The following OR56A3 variants were observed in gnomAD, a reference collection of about 807,000 sequenced individuals.
OR56A3 encodes the protein olfactory receptor 56A3.
OR56A3 carries 23 observed loss-of-function variants against 17.5 expected under a neutral mutation model. That is an observed-to-expected ratio of 1.32 (90% CI 0.95 to 1.87). The LOEUF (loss-of-function observed/expected upper bound fraction) is 1.87. Among genes scored for constraint, OR56A3 ranks in the 40% most tolerant of loss-of-function variants. The pLI is 0.00. For synonymous variants in OR56A3, 175 were observed against 150.6 expected (o/e 1.16, Z -1.19); for missense variants, 366 against 380.1 (o/e 0.96, Z 0.31).
At chr11:5,978,625 T>C in the OR56A3 span, among the ~76,000 whole-genome samples, 1 of 152,016 alleles carries the variant, frequency 6.6e-6, no homozygotes, top group Non-Finnish European at 1.5e-5. Flanking sequence ...GCAGAGAGTA[T>C]GGGGTTTTCT....
chr11:5,955,638 C>T (rs1328440784), downstream of OR56A3, among the ~76,000 whole-genome samples: 1 of 152,202 alleles, frequency 6.6e-6, no homozygotes, highest in African/African-American at 2.4e-5. Context: ...TGGGGGGTTA[C>T]ATTCCTTCTC....
At chr11:6,017,724 A>G in the OR56A3 span, among the ~76,000 whole-genome samples, 1 of 152,210 alleles carries the variant, frequency 6.6e-6, no homozygotes. Flanking sequence ...TGTCAGTAAT[A>G]ACTTTTAATG....
At chr11:6,011,391 T>G in the OR56A3 span, among the ~76,000 whole-genome samples, 102,407 of 151,122 alleles carry the variant, frequency 0.68, 34,974 homozygotes, top group East Asian at 0.93. Context: ...AACAATAAAT[T>G]TTTGCATTTT....
At chr11:6,004,017 A>G in the OR56A3 span, among the ~76,000 whole-genome samples, 4 of 152,184 alleles carry the variant, frequency 2.6e-5, no homozygotes, top group Non-Finnish European at 5.9e-5. Flanking sequence ...GAAAGAGGCC[A>G]AATACTAAGA....
At chr11:5,984,969 T>C in the OR56A3 span, among the ~76,000 whole-genome samples, 1 of 152,194 alleles carries the variant, frequency 6.6e-6, no homozygotes, top group Admixed American at 6.5e-5. Context: ...GGTTGCAATA[T>C]ATCAATTGTA....
At chr11:6,007,980 G>C in the OR56A3 span, among the ~76,000 whole-genome samples, 1 of 152,154 alleles carries the variant, frequency 6.6e-6, no homozygotes, top group African/African-American at 2.4e-5. Context: ...TGTTTCGTAA[G>C]TGTGGTTTCG....
At chr11:5,946,670 T>G (rs989258752) in intron 2 of OR56A3, among the ~76,000 whole-genome samples, 23 of 152,186 alleles carry the variant, frequency 1.5e-4, no homozygotes, top group Admixed American at 1.5e-3. Context: ...CCTAAAAATA[T>G]GAACATCTAA....
the OR56A3 span, among the ~76,000 whole-genome samples, chr11:6,010,554 A>G: frequency 2.0e-5 from 3 of 152,238 alleles, no homozygotes; most frequent in African/African-American, 7.2e-5. Flanking sequence ...TCTTAAAAGC[A>G]GAGACCAGGC....
At chr11:5,956,300 A>G (rs1847931697), downstream of OR56A3, among the ~76,000 whole-genome samples, 1 of 152,244 alleles carries the variant, frequency 6.6e-6, no homozygotes, top group Non-Finnish European at 1.5e-5. Flanking sequence ...CACATTAAAA[A>G]TCAATCAGAT....
the OR56A3 span, among the ~76,000 whole-genome samples, chr11:5,997,789 C>T: frequency 5.9e-5 from 9 of 152,152 alleles, no homozygotes; most frequent in South Asian, 6.2e-4. Flanking sequence ...ATCCATAAAC[C>T]GGGGTCATTT....
At chr11:5,998,724 T>C in the OR56A3 span, among the ~76,000 whole-genome samples, 1 of 152,188 alleles carries the variant, frequency 6.6e-6, no homozygotes, top group Non-Finnish European at 1.5e-5. Flanking sequence ...TCATTTGCTA[T>C]TTTATAGGTA....
At chr11:6,012,037 G>C in the OR56A3 span, among the ~76,000 whole-genome samples, 9 of 152,202 alleles carry the variant, frequency 5.9e-5, no homozygotes, top group African/African-American at 9.7e-5. Flanking sequence ...TCCCAGATCT[G>C]GGCTCCCGAA....
the OR56A3 span, among the ~76,000 whole-genome samples, chr11:6,017,763 T>C: frequency 2.6e-5 from 4 of 152,218 alleles, no homozygotes; most frequent in African/African-American, 9.6e-5. Context: ...ACTTAAAAGA[T>C]GTAGACTGGC....
the OR56A3 span, among the ~76,000 whole-genome samples, chr11:5,965,521 G>A: frequency 1.3e-4 from 20 of 152,034 alleles, no homozygotes; most frequent in Middle Eastern, 3.4e-3. Flanking sequence ...TATCTTTGGA[G>A]AATACATTAT....
the OR56A3 span, among the ~76,000 whole-genome samples, chr11:5,974,071 C>T: frequency 6.6e-6 from 1 of 151,812 alleles, no homozygotes; most frequent in Non-Finnish European, 1.5e-5. Flanking sequence ...TTCCCTTGAC[C>T]CTGCCAAGAC....
At chr11:5,952,169 A>C (rs1847911493), downstream of OR56A3, among the ~76,000 whole-genome samples, 1 of 152,212 alleles carries the variant, frequency 6.6e-6, no homozygotes, top group South Asian at 2.1e-4. Flanking sequence ...GAATAAACAG[A>C]AACAGTAAAA....
chr11:5,985,889 G>T, the OR56A3 span: 1 of 1,501,714 alleles, frequency 6.7e-7, no homozygotes, highest in Non-Finnish European at 8.9e-7. Context: ...CAGGCTCCTG[G>T]CTGTGGTCCG....
chr11:5,976,173 G>C, the OR56A3 span, among the ~76,000 whole-genome samples: 1 of 151,516 alleles, frequency 6.6e-6, no homozygotes, highest in Non-Finnish European at 1.5e-5. Context: ...GAAGGAAGGA[G>C]GATGGGAGAC....
chr11:6,006,667 G>A, the OR56A3 span, among the ~76,000 whole-genome samples: 1 of 152,174 alleles, frequency 6.6e-6, no homozygotes, highest in African/African-American at 2.4e-5. Flanking sequence ...ATATAGTTAG[G>A]AGTCTTTGAG....
Sources: gnomAD v4.1 joint callset for allele counts (sites outside exome capture counted in the v4.1 genomes callset) on GRCh38, gnomAD v4.1.1 for gene constraint, MANE v1.5 for transcripts, NCBI Gene and HGNC (gene_info 2026-07-23, HGNC 2026-07-21) for gene names.